The following PDE4D variants were observed in gnomAD, a reference collection of about 807,000 sequenced individuals.
PDE4D encodes the protein phosphodiesterase 4D.
Under a neutral mutation model 87.4 loss-of-function variants are expected in PDE4D, and 24 were observed. The observed-to-expected ratio is 0.27, with a 90% confidence interval of 0.20 to 0.39. The LOEUF (loss-of-function observed/expected upper bound fraction) is 0.39, where lower values mean the gene tolerates loss of function less well. PDE4D is among the 10% of genes least tolerant of loss of function. PDE4D has a pLI of 1.00. For synonymous variants in PDE4D, 384 were observed against 383.2 expected, an observed-to-expected ratio of 1.00 and a Z score of -0.02; for missense variants, 714 against 1,041.0, an observed-to-expected ratio of 0.69 and a Z score of 4.32.
chr5:60,453,527 A>C (rs1746247997), intron 1 of PDE4D, among the ~76,000 whole-genome samples: 1 of 152,184 alleles, frequency 6.6e-6, no homozygotes, highest in African/African-American at 2.4e-5. Context: ...GGTCTAGCTT[A>C]AAGGGTTTTA....
At chr5:59,331,186 T>C (rs939606885) in intron 1 of PDE4D, among the ~76,000 whole-genome samples, 19 of 152,216 alleles carry the variant, frequency 1.2e-4, no homozygotes, top group African/African-American at 4.6e-4. Context: ...TACTTGCTCA[T>C]TGTAGTTTTT....
intron 1 of PDE4D, among the ~76,000 whole-genome samples, chr5:59,233,182 C>A (rs1219413427): frequency 6.6e-6 from 1 of 151,910 alleles, no homozygotes; most frequent in East Asian, 1.9e-4. Flanking sequence ...TGAAATTATT[C>A]CACTACATAG....
Position 58,971,917 on chromosome 5 carries a change from CCT to C in PDE4D, c.*2745_*2746del, listed in dbSNP as rs1313483146. 3 of 152,402 alleles carry C rather than the reference CCT, an allele frequency of 2.0e-5. No homozygotes were observed. The highest frequency in any genetic ancestry group is 7.3e-5 in the African/African-American group (3 of 41,368). 9.4% of individuals were successfully genotyped at this position (152,402 alleles called of 1,614,324 possible). A position where few individuals can be genotyped will look rare whatever the true frequency, so the allele number is the denominator to read the frequency against. On this transcript the variant is annotated 3_prime_UTR_variant, in exon 15 of 15. Coordinates refer to ENST00000340635, the MANE Select transcript of PDE4D (RefSeq NM_001104631.2). ...AAGCAGATTGTACAGTGCATTAGTCCCTGTCTCTTGGATATTGAGCCTTTTCT... is the reference window on the plus strand; with the variant it reads ...AAGCAGATTGTACAGTGCATTAGTCCGTCTCTTGGATATTGAGCCTTTTCT...
chr5:59,906,652 A>T (rs1752854387), intron 3 of PDE4D, among the ~76,000 whole-genome samples: 1 of 152,152 alleles, frequency 6.6e-6, no homozygotes, highest in African/African-American at 2.4e-5. Flanking sequence ...CTAATGAATA[A>T]GAAAATATTA....
chr5:60,253,260 G>A (rs2149687099), intron 1 of PDE4D, among the ~76,000 whole-genome samples: 1 of 151,970 alleles, frequency 6.6e-6, no homozygotes, highest in Middle Eastern at 3.4e-3. Context: ...CTGAGTAAAT[G>A]CGTTTTTATT....
intron 1 of PDE4D, among the ~76,000 whole-genome samples, chr5:59,712,393 C>CACATATATAT (rs1491588692): frequency 8.2e-6 from 1 of 122,592 alleles, no homozygotes; most frequent in African/African-American, 3.1e-5. Flanking sequence ...TAATATTATT[C>CACATATATAT]ATATATATAT....
At chr5:60,078,302 T>C (rs1038746261) in intron 2 of PDE4D, among the ~76,000 whole-genome samples, 3 of 152,224 alleles carry the variant, frequency 2.0e-5, no homozygotes, top group African/African-American at 7.2e-5. Context: ...TTTTCTAATA[T>C]AGGTATTTAT....
intron 1 of PDE4D, among the ~76,000 whole-genome samples, chr5:60,436,643 T>G (rs1744779398): frequency 6.6e-6 from 1 of 152,122 alleles, no homozygotes; most frequent in African/African-American, 2.4e-5. Context: ...GATTGCCCAC[T>G]GCCTAAGCTA....
At chr5:59,747,828 T>C (rs1759840763) in intron 1 of PDE4D, among the ~76,000 whole-genome samples, 1 of 152,126 alleles carries the variant, frequency 6.6e-6, no homozygotes, top group South Asian at 2.1e-4. Flanking sequence ...GAACTTCTCC[T>C]TACCCCTATT....
intron 1 of PDE4D, among the ~76,000 whole-genome samples, chr5:59,348,342 T>G (rs1490075523): frequency 6.6e-6 from 1 of 152,130 alleles, no homozygotes; most frequent in East Asian, 1.9e-4. Context: ...TCTATGTATC[T>G]CTTGCCAACT....
chr5:59,897,304 A>G (rs1751758898), upstream of PDE4D, among the ~76,000 whole-genome samples: 2 of 152,168 alleles, frequency 1.3e-5, no homozygotes, highest in Admixed American at 6.5e-5. Flanking sequence ...CATTCTTGTC[A>G]ATAATGATGG....
At chr5:59,415,258 T>G (rs1793404444) in intron 1 of PDE4D, among the ~76,000 whole-genome samples, 1 of 152,152 alleles carries the variant, frequency 6.6e-6, no homozygotes. Flanking sequence ...AGCAATGTCC[T>G]GAAGAAAAAT....
chr5:59,053,394 C>G (rs1162833214), intron 5 of PDE4D, among the ~76,000 whole-genome samples: 1 of 150,488 alleles, frequency 6.6e-6, no homozygotes, highest in Non-Finnish European at 1.5e-5. Context: ...CACACACACA[C>G]ACACACACAC....
intron 12 of PDE4D, 37 bp downstream of exon 12, chr5:58,977,154 T>A (rs755593488): frequency 6.4e-7 from 1 of 1,569,684 alleles, no homozygotes; most frequent in Non-Finnish European, 8.6e-7. Flanking sequence ...ACAACTTGCA[T>A]CACAGTTCTC....
intron 6 of PDE4D, among the ~76,000 whole-genome samples, chr5:59,004,952 C>A (rs1359736649): frequency 6.6e-6 from 1 of 152,174 alleles, no homozygotes; most frequent in Non-Finnish European, 1.5e-5. Flanking sequence ...GGTGGAGGAT[C>A]TTTGAGGCCA....
chr5:60,146,254 T>C (rs190220844), intron 2 of PDE4D, among the ~76,000 whole-genome samples: 51 of 152,290 alleles, frequency 3.3e-4, no homozygotes, highest in Admixed American at 1.6e-3. Flanking sequence ...AGGAATTATG[T>C]TTATTGCTCA....
At chr5:59,314,147 C>A (rs1773223583) in intron 1 of PDE4D, 1 of 152,092 alleles carries the variant, frequency 6.6e-6, no homozygotes, top group Non-Finnish European at 1.5e-5. Context: ...TGGGCCTACA[C>A]CCCTCCAGGC....
intron 2 of PDE4D, among the ~76,000 whole-genome samples, chr5:59,200,173 G>A (rs111063868): frequency 0.28 from 18,652 of 67,002 alleles, 2,035 homozygotes; most frequent in African/African-American, 0.41. Flanking sequence ...GTATACACGT[G>A]TATGTATATA....
At chr5:59,590,378 AC>A (rs1825750563) in intron 1 of PDE4D, among the ~76,000 whole-genome samples, 1 of 152,166 alleles carries the variant, frequency 6.6e-6, no homozygotes, top group South Asian at 2.1e-4. Context: ...CTTTCATGAA[AC>A]TTTTAAGAAA....
Sources: allele counts gnomAD v4.1 joint callset (sites outside exome capture counted in the v4.1 genomes callset), GRCh38; gene constraint gnomAD v4.1.1; transcripts MANE v1.5; gene names NCBI Gene and HGNC (gene_info 2026-07-23, HGNC 2026-07-21).